Variants in MAP4 observed in about 807,000 individuals in gnomAD.
MAP4 encodes microtubule associated protein 4.
A neutral mutation model predicts 170.2 loss-of-function variants in MAP4; 76 were observed. That is an observed-to-expected ratio of 0.45 (90% CI 0.37 to 0.54). The LOEUF (loss-of-function observed/expected upper bound fraction) is 0.54. MAP4 is among the 20% of genes least tolerant of loss of function. The probability of loss-of-function intolerance (pLI) is 0.00; values close to 1 mark genes in which losing one functional copy is unlikely to be tolerated. For synonymous variants in MAP4, 909 were observed against 994.5 expected (o/e 0.91, Z 1.62); for missense variants, 2,506 against 2,748.0 (o/e 0.91, Z 1.97).
intron 3 of MAP4, 42 bp downstream of exon 3, chr3:47,977,823 G>T: frequency 7.6e-7 from 1 of 1,318,884 alleles, no homozygotes; most frequent in Non-Finnish European, 1.1e-6. Flanking sequence ...TTCATTGTAA[G>T]TGCATCACCT....
At chr3:47,898,735 C>A (rs1463894844) in intron 10 of MAP4, among the ~76,000 whole-genome samples, 5 of 151,984 alleles carry the variant, frequency 3.3e-5, no homozygotes, top group African/African-American at 1.2e-4. Flanking sequence ...CCACTTGAGG[C>A]CAAGAGTTCA....
At chr3:47,867,069 G>GA (rs986023057) in intron 17 of MAP4, among the ~76,000 whole-genome samples, 177 bp downstream of exon 17, 27 of 152,168 alleles carry the variant, frequency 1.8e-4, no homozygotes, top group Non-Finnish European at 4.0e-4. Flanking sequence ...GGGCTCACCA[G>GA]AAACACCCTG....
In MAP4 at chr3:47,953,007, T is replaced by C. The variant is rs375884083; in HGVS notation, c.293-24657A>G. On this transcript the variant is annotated intron_variant, in intron 3 of 20. Coordinates refer to ENST00000683076, the MANE Select transcript of MAP4 (RefSeq NM_001385682.1). Reference sequence around the variant, plus strand: ...TTTTCCATGGTACTGTAGGTCATTTTAGTGATTAAATTTGACACTTTTGAC... The same window carrying C: ...TTTTCCATGGTACTGTAGGTCATTTCAGTGATTAAATTTGACACTTTTGAC... Among the ~76,000 whole-genome samples, 6 of 152,346 alleles carry C rather than the reference T, an allele frequency of 3.9e-5. 1 individual carries two copies. The highest frequency in any genetic ancestry group is 1.4e-4 in the African/African-American group (6 of 41,582).
At chr3:48,049,213 A>G (rs748848449) in intron 1 of MAP4, among the ~76,000 whole-genome samples, 7 of 152,256 alleles carry the variant, frequency 4.6e-5, no homozygotes, top group Non-Finnish European at 7.3e-5. Flanking sequence ...GCTGTTTTGA[A>G]TAAGTCTGCT....
chr3:47,990,324 G>A (rs2100091403), intron 2 of MAP4, among the ~76,000 whole-genome samples: 1 of 152,154 alleles, frequency 6.6e-6, no homozygotes, highest in Non-Finnish European at 1.5e-5. Context: ...GCTGGTGTGT[G>A]GCAGGGTACG....
chr3:48,048,673 C>T (rs1559853912), intron 1 of MAP4, among the ~76,000 whole-genome samples: 2 of 151,958 alleles, frequency 1.3e-5, no homozygotes. Flanking sequence ...CATGCCGCCA[C>T]ACTGGGCTAA....
At chr3:47,906,820 CCT>C (rs1180013938) in intron 9 of MAP4, among the ~76,000 whole-genome samples, 3 of 150,914 alleles carry the variant, frequency 2.0e-5, no homozygotes, top group Non-Finnish European at 4.4e-5. Flanking sequence ...AAAAAAGAGG[CCT>C]CTTTCTTTAT....
chr3:47,909,417 A>G lies in MAP4; in HGVS notation c.5004T>C (p.Asp1668=), dbSNP rs2100034800. The G allele has an allele frequency of 6.2e-7, 1 of 1,613,376 alleles. No individual in the cohort carries two copies. Among genetic ancestry groups the G allele is most frequent in the African/African-American group, 1.3e-5 (1 of 74,878 alleles). Residue 1668 remains aspartate, a synonymous_variant, in exon 9 of 21, where the codon GAT becomes GAC. Transcript: ENST00000683076. ...LTLLSPKSEN[D]KLKEISLACK... ...AAGCCAGACTAATTTCTTTCAATTT[A>G]TCATTTTCACTTTTTGGAGACAAAA...
At chr3:48,032,365 G>A (rs2100116626) in intron 1 of MAP4, among the ~76,000 whole-genome samples, 1 of 152,000 alleles carries the variant, frequency 6.6e-6, no homozygotes, top group African/African-American at 2.4e-5. Flanking sequence ...AGATGGGCAT[G>A]GTGGTGTGCG....
chr3:47,956,453 C>A (rs901457772), intron 3 of MAP4, among the ~76,000 whole-genome samples: 11 of 152,206 alleles, frequency 7.2e-5, no homozygotes, highest in African/African-American at 2.4e-4. Context: ...GAAGAAAAAT[C>A]TTTCCTTCAG....
intron 10 of MAP4, among the ~76,000 whole-genome samples, chr3:47,881,471 T>TGC (rs2096724778): frequency 3.2e-5 from 3 of 93,208 alleles, no homozygotes; most frequent in East Asian, 8.3e-4. Context: ...TATATATATA[T>TGC]ATATATATAT....
intron 10 of MAP4, among the ~76,000 whole-genome samples, chr3:47,878,331 CAG>C (rs2095933419): frequency 6.6e-6 from 1 of 151,994 alleles, no homozygotes; most frequent in Non-Finnish European, 1.5e-5. Context: ...AAATGACAAA[CAG>C]AAAAAATACT....
In MAP4 at chr3:47,909,504, T is replaced by C. The variant is rs1204721151; in HGVS notation, c.4917A>G (p.Gln1639=). The C allele has an allele frequency of 1.2e-6, 2 of 1,613,588 alleles. No individual in the cohort carries two copies. The highest frequency in any genetic ancestry group is 2.2e-5 in the South Asian group (2 of 91,082). Residue 1639 remains glutamine (Q), a synonymous_variant, in exon 9 of 21, where the codon CAA becomes CAG. Coordinates refer to ENST00000683076, the MANE Select transcript of MAP4 (RefSeq NM_001385682.1). Reference sequence around the variant, plus strand: ...CTTTGGAATTTCTATCTTGAGCATTTTGGTCCTCACAAAAACTGAGCTTTT... The same window carrying C: ...CTTTGGAATTTCTATCTTGAGCATTCTGGTCCTCACAAAAACTGAGCTTTT... ...KAQKLSFCED[Q]NAQDRNSKGS... is the part of the protein sequence containing the mutation.
intron 17 of MAP4, among the ~76,000 whole-genome samples, chr3:47,863,898 CTGTGTGTGTGTGTGTGGGTGTGGGTG>C (rs1318473706): frequency 7.6e-6 from 1 of 131,158 alleles, no homozygotes; most frequent in Admixed American, 7.8e-5. Flanking sequence ...TGCGTTATTT[CTGTGTGTGTGTGTGTGGGTGTGGGTG>C]TGTGTGTGTG....
intron 10 of MAP4, among the ~76,000 whole-genome samples, chr3:47,879,532 G>A (rs1315694445): frequency 2.0e-5 from 3 of 152,070 alleles, no homozygotes; most frequent in Non-Finnish European, 2.9e-5. Flanking sequence ...GATATCCTAC[G>A]TAAATACAGT....
chr3:47,930,586 G>T (rs2100049148), intron 3 of MAP4, among the ~76,000 whole-genome samples: 1 of 152,028 alleles, frequency 6.6e-6, no homozygotes, highest in Non-Finnish European at 1.5e-5. Context: ...TTTGTATGTA[G>T]AAGAGATTAT....
At chr3:47,938,062 A>T (rs1002317744) in intron 3 of MAP4, among the ~76,000 whole-genome samples, 2 of 151,870 alleles carry the variant, frequency 1.3e-5, no homozygotes, top group African/African-American at 4.8e-5. Context: ...TTGAGTTCTT[A>T]CTTTTATTTT....
At chr3:47,950,813 A>G (rs901945980) in intron 3 of MAP4, among the ~76,000 whole-genome samples, 1 of 152,166 alleles carries the variant, frequency 6.6e-6, no homozygotes. Flanking sequence ...GGTGGCCCCA[A>G]TCATCTGTAG....
intron 3 of MAP4, chr3:47,974,817 G>A (rs2100081038): frequency 1.0e-6 from 1 of 967,084 alleles, no homozygotes; most frequent in African/African-American, 1.8e-5. Flanking sequence ...TATTTAATTT[G>A]GAAAAATATT....
Sources: allele counts gnomAD v4.1 joint callset (sites outside exome capture counted in the v4.1 genomes callset), GRCh38; gene constraint gnomAD v4.1.1; transcripts MANE v1.5; gene names NCBI Gene and HGNC (gene_info 2026-07-23, HGNC 2026-07-21).